The following FRMD5 variants were observed in gnomAD, a reference collection of about 807,000 sequenced individuals.
The protein encoded by FRMD5 is FERM domain containing 5.
A neutral mutation model predicts 69.0 loss-of-function variants in FRMD5; 20 were observed. That is an observed-to-expected ratio of 0.29 (90% CI 0.20 to 0.42). FRMD5 has a LOEUF of 0.42. FRMD5 is among the 10% of genes least tolerant of loss of function. FRMD5 has a pLI of 1.00. For missense variants in FRMD5, 595 were observed against 708.6 expected, an observed-to-expected ratio of 0.84 and a Z score of 1.82; for synonymous variants, 271 against 260.1, an observed-to-expected ratio of 1.04 and a Z score of -0.40.
intron 1 of FRMD5, among the ~76,000 whole-genome samples, chr15:44,005,302 G>T (rs1595613294): frequency 6.6e-6 from 1 of 152,054 alleles, no homozygotes; most frequent in East Asian, 1.9e-4. Context: ...CCAACATGGT[G>T]AAACCCCGTC....
intron 1 of FRMD5, among the ~76,000 whole-genome samples, chr15:44,060,203 A>T (rs1159206260): frequency 6.6e-6 from 1 of 152,240 alleles, no homozygotes; most frequent in Non-Finnish European, 1.5e-5. Flanking sequence ...AAAGAAACTC[A>T]TTCTACAGCC....
chr15:44,127,695 G>A (rs975914227), intron 1 of FRMD5, among the ~76,000 whole-genome samples: 7 of 152,012 alleles, frequency 4.6e-5, no homozygotes, highest in Non-Finnish European at 1.0e-4. Flanking sequence ...GCAACATGGC[G>A]AAACCTCATC....
rs57166959 is a variant in FRMD5 at position 43,999,923 on chromosome 15, G to GTA, written c.103-75616_103-75615dup. Among the ~76,000 whole-genome samples, 410 of 58,170 alleles carry GTA rather than the reference G, an allele frequency of 7.0e-3. 10 individuals are homozygous for GTA. Among genetic ancestry groups the GTA allele is most frequent in the South Asian group, 0.033 (51 of 1,530 alleles). 38.2% of individuals were successfully genotyped at this position (58,170 alleles called of 152,430 possible). ...CCATTTTATATTTGTGTGTGTGTAT[G>GTA]TATATATATATATATATATATATGC... On this transcript the variant is annotated intron_variant, in intron 1 of 13. Coordinates refer to ENST00000417257, the MANE Select transcript of FRMD5 (RefSeq NM_032892.5).
At chr15:44,028,541 G>A (rs1250505215) in intron 1 of FRMD5, among the ~76,000 whole-genome samples, 2 of 152,190 alleles carry the variant, frequency 1.3e-5, no homozygotes, top group Non-Finnish European at 1.5e-5. Flanking sequence ...TAGCAGGTCT[G>A]GTAGAGAAGT....
rs1206178942 is a variant in FRMD5 at position 44,019,536 on chromosome 15, G to A, written c.103-95227C>T. Among the ~76,000 whole-genome samples the A allele has an allele frequency of 3.3e-5, 5 of 151,206 alleles. No individual in the cohort carries two copies. In the East Asian group the frequency reaches 9.7e-4, roughly 29 times the overall value. ...GGATCACCTCAGATCCGGAGTTCGA[G>A]ACCAGCCTGGCCAACATGGTGAAAC... On this transcript the variant is annotated intron_variant, in intron 1 of 13. Transcript: ENST00000417257.
At chr15:44,199,226 C>G (rs563286019), upstream of FRMD5, among the ~76,000 whole-genome samples, 1 of 152,118 alleles carries the variant, frequency 6.6e-6, no homozygotes, top group Non-Finnish European at 1.5e-5. Flanking sequence ...AGCTATAACT[C>G]CTAACAATAT....
chr15:44,053,707 G>A lies in FRMD5; in HGVS notation c.103-129398C>T, dbSNP rs193301900. Among the ~76,000 whole-genome samples, 87 of 152,294 alleles carry A rather than the reference G, an allele frequency of 5.7e-4. 2 individuals are homozygous for A. Among genetic ancestry groups the A allele is most frequent in the Admixed American group, 3.9e-3 (59 of 15,296 alleles). On this transcript the variant is annotated intron_variant, in intron 1 of 13. Transcript: ENST00000417257. Reference sequence around the variant, plus strand: ...AAAGAAAACACTGTAAGAGGACCAGGTTTGATAGGGAAGTCCACGAGCGCA... The same window carrying A: ...AAAGAAAACACTGTAAGAGGACCAGATTTGATAGGGAAGTCCACGAGCGCA...
chr15:44,137,437 G>A (rs1414092234), intron 1 of FRMD5, among the ~76,000 whole-genome samples: 4 of 152,310 alleles, frequency 2.6e-5, no homozygotes, highest in Admixed American at 1.3e-4. Flanking sequence ...TGAATGCTCT[G>A]TGCCCTACCA....
intron 1 of FRMD5, among the ~76,000 whole-genome samples, chr15:43,997,931 G>C (rs1399140937): frequency 6.6e-6 from 1 of 151,960 alleles, no homozygotes; most frequent in Admixed American, 6.6e-5. Context: ...CCTCTTAAAG[G>C]CCTCTTTTTC....
At chr15:43,887,783 A>G (rs979341369) in intron 10 of FRMD5, among the ~76,000 whole-genome samples, 9 of 152,346 alleles carry the variant, frequency 5.9e-5, no homozygotes, top group African/African-American at 1.9e-4. Flanking sequence ...CAGGTAGAAT[A>G]TACCACACTC....
intron 1 of FRMD5, among the ~76,000 whole-genome samples, chr15:44,016,876 G>T (rs547711898): frequency 2.0e-5 from 3 of 147,646 alleles, no homozygotes; most frequent in African/African-American, 7.5e-5. Context: ...ACTCGGTTTT[G>T]CAGGTTGGAA....
chr15:43,936,039 T>A (rs966349540), intron 1 of FRMD5, among the ~76,000 whole-genome samples: 4 of 152,228 alleles, frequency 2.6e-5, no homozygotes, highest in Non-Finnish European at 5.9e-5. Flanking sequence ...GCACTGCCTG[T>A]ACTGCTTAGC....
chr15:43,939,547 T>G (rs2089825586), intron 1 of FRMD5, among the ~76,000 whole-genome samples: 2 of 152,082 alleles, frequency 1.3e-5, no homozygotes, highest in African/African-American at 4.8e-5. Flanking sequence ...TTTTTATTAA[T>G]TAATGTATAT....
chr15:43,952,898 T>G (rs888644016), intron 1 of FRMD5, among the ~76,000 whole-genome samples: 1 of 152,170 alleles, frequency 6.6e-6, no homozygotes, highest in African/African-American at 2.4e-5. Context: ...GAAAGCAGAA[T>G]TGAGAAAAAA....
At chr15:44,145,229 A>C (rs911532682) in intron 1 of FRMD5, among the ~76,000 whole-genome samples, 11 of 152,184 alleles carry the variant, frequency 7.2e-5, no homozygotes, top group Non-Finnish European at 1.6e-4. Context: ...GCAAAACTGC[A>C]CAGAACTGAA....
chr15:44,189,228 A>C (rs1028222801), intron 1 of FRMD5, among the ~76,000 whole-genome samples: 3 of 152,230 alleles, frequency 2.0e-5, no homozygotes, highest in African/African-American at 7.2e-5. Flanking sequence ...CCACAAAAGT[A>C]AAACACAATC....
At chr15:44,068,879 C>T (rs996680112) in intron 1 of FRMD5, among the ~76,000 whole-genome samples, 1 of 152,080 alleles carries the variant, frequency 6.6e-6, no homozygotes, top group African/African-American at 2.4e-5. Context: ...GTGAGGGTTA[C>T]TGTGAATAAG....
At position 43,884,792 on chromosome 15, in the gene FRMD5, G is replaced by A. The variant is rs1314030191; in HGVS notation, c.963C>T (p.Gly321=). The A allele has an allele frequency of 6.2e-7, 1 of 1,613,854 alleles. No homozygotes were observed. Among genetic ancestry groups the A allele is most frequent in the Admixed American group, 1.7e-5 (1 of 60,016 alleles). Residue 321 remains glycine, a synonymous_variant, in exon 12 of 14, where the codon GGC becomes GGT. Coordinates refer to ENST00000417257, the MANE Select transcript of FRMD5 (RefSeq NM_032892.5). The part of the protein sequence containing the change: ...FFKGSRFRYS[G]RVAKEVMESS... ...ATTCCATGACTTCCTTTGCAACTCGGCCACTGTAAGTAGTGTAATAAAAAC... is the reference window on the plus strand; with the variant it reads ...ATTCCATGACTTCCTTTGCAACTCGACCACTGTAAGTAGTGTAATAAAAAC...
At position 43,924,209 on chromosome 15, in the gene FRMD5, T is replaced by A; in HGVS notation, c.203A>T (p.Gln68Leu). The change falls in exon 2 of 14, where the codon CAG (glutamine) becomes CTG (leucine). Residue 68 changes from glutamine to leucine, a missense_variant. Around this residue, in one of 5 missense-constraint regions of FRMD5, gnomAD observed 79 missense variants for 139.9 expected, o/e 0.56. Transcript: ENST00000417257. ...FGIRFVDPDKQRHWLEFTKSV... is the reference protein window; with the variant it reads ...FGIRFVDPDKLRHWLEFTKSV... Reference sequence around the variant, plus strand: ...GTGCTTTGAATATTGACTTACCCGCTGCTTATCTGGGTCTACAAAGCGGAT... The same window carrying A: ...GTGCTTTGAATATTGACTTACCCGCAGCTTATCTGGGTCTACAAAGCGGAT... 1 of 1,611,054 alleles carries A rather than the reference T, an allele frequency of 6.2e-7. No individual in the cohort carries two copies. Among genetic ancestry groups the A allele is most frequent in the Non-Finnish European group, 8.5e-7 (1 of 1,177,204 alleles).
Sources: gnomAD v4.1 joint callset for allele counts (sites outside exome capture counted in the v4.1 genomes callset) on GRCh38, gnomAD v4.1.1 for gene constraint, gnomAD v4.1.1 regional missense constraint, MANE v1.5 for transcripts, NCBI Gene and HGNC (gene_info 2026-07-23, HGNC 2026-07-21) for gene names.